VWA8: variants seen among roughly 807,000 people sequenced by gnomAD.
The protein encoded by VWA8 is von Willebrand factor A domain-containing protein 8.
A neutral mutation model predicts 241.5 loss-of-function variants in VWA8; 221 were observed. The ratio of observed to expected loss-of-function variants is 0.91; its 90% CI spans 0.82 to 1.02. The LOEUF is 1.02. VWA8 is among the 50% of genes least tolerant of loss of function. The probability of loss-of-function intolerance (pLI) is 0.00; values close to 1 mark genes in which losing one functional copy is unlikely to be tolerated. For synonymous variants in VWA8, 852 were observed against 827.1 expected, an observed-to-expected ratio of 1.03 and a Z score of -0.52; for missense variants, 2,322 against 2,328.7, an observed-to-expected ratio of 1.00 and a Z score of 0.06.
intron 43 of VWA8, among the ~76,000 whole-genome samples, chr13:41,574,617 C>A (rs2044339516): frequency 6.6e-6 from 1 of 152,088 alleles, no homozygotes; most frequent in Admixed American, 6.5e-5. Context: ...ATAGCCAAAG[C>A]AATACTAAGC....
At chr13:41,890,621 C>T (rs1874789505) in intron 5 of VWA8, among the ~76,000 whole-genome samples, 1 of 152,202 alleles carries the variant, frequency 6.6e-6, no homozygotes, top group Non-Finnish European at 1.5e-5. Flanking sequence ...TTTTTAAGCA[C>T]CTACCATGTG....
At chr13:41,695,742 A>G (rs949448912) in intron 29 of VWA8, among the ~76,000 whole-genome samples, 16 of 152,190 alleles carry the variant, frequency 1.1e-4, no homozygotes, top group African/African-American at 3.6e-4. Flanking sequence ...AGGGGTAAGT[A>G]AGGCAGTATA....
rs779074342 is a variant in VWA8 at position 41,883,404 on chromosome 13, C to T, written c.1063G>A (p.Val355Met). Residue 355 changes from valine to methionine, a missense_variant, in exon 9 of 45, where the codon GTG becomes ATG. Coordinates refer to ENST00000379310, the MANE Select transcript of VWA8 (RefSeq NM_015058.2). ...ACACTCACCTTTAAAACACCTTCCA[C>T]AGCCATCTTCCCTTCATGACCTAGT... The part of the protein sequence containing the change: ...ILLGHEGKMA[V>M]EGVLKRFELQ... 2 of 1,612,496 alleles carry T rather than the reference C, an allele frequency of 1.2e-6. No individual in the cohort carries two copies. Among genetic ancestry groups the T allele is most frequent in the Non-Finnish European group, 1.7e-6 (2 of 1,178,698 alleles).
At chr13:41,599,177 G>C (rs548492155) in intron 40 of VWA8, among the ~76,000 whole-genome samples, 22 of 151,914 alleles carry the variant, frequency 1.4e-4, no homozygotes, top group Non-Finnish European at 2.8e-4. Context: ...ATTTCCTCTG[G>C]AATAACTTCA....
intron 20 of VWA8, among the ~76,000 whole-genome samples, chr13:41,774,997 G>A (rs1223437866): frequency 6.6e-6 from 1 of 152,204 alleles, no homozygotes; most frequent in African/African-American, 2.4e-5. Flanking sequence ...AGAGAAAGAA[G>A]AGAGCATGCT....
intron 12 of VWA8, chr13:41,864,698 T>C (rs117455837): frequency 0.021 from 8,379 of 396,714 alleles, 144 homozygotes; most frequent in Non-Finnish European, 0.029. Flanking sequence ...AGCTACTGTT[T>C]AATGAGTACA....
intron 37 of VWA8, among the ~76,000 whole-genome samples, chr13:41,657,648 C>T (rs1333125969): frequency 6.6e-6 from 1 of 152,002 alleles, no homozygotes; most frequent in Non-Finnish European, 1.5e-5. Context: ...CGCCACCGCG[C>T]CCGGCTAATT....
chr13:41,915,537 G>C (rs1355487392), intron 2 of VWA8, among the ~76,000 whole-genome samples: 1 of 152,224 alleles, frequency 6.6e-6, no homozygotes, highest in African/African-American at 2.4e-5. Flanking sequence ...CACCATAGTT[G>C]AGAAATATTG....
intron 12 of VWA8, among the ~76,000 whole-genome samples, chr13:41,848,489 TG>T (rs1872385423): frequency 6.6e-6 from 1 of 152,152 alleles, no homozygotes; most frequent in African/African-American, 2.4e-5. Flanking sequence ...GACTGGATCA[TG>T]GGGGTGGTTT....
chr13:41,727,375 A>T (rs1421245960), intron 23 of VWA8, 62 bp from the exon 24 acceptor site: 5 of 1,134,834 alleles, frequency 4.4e-6, no homozygotes, highest in Non-Finnish European at 6.1e-6. Flanking sequence ...ATATCAAGCA[A>T]CAATCTTTTA....
At chr13:41,829,165 A>G (rs1357165295) in intron 14 of VWA8, among the ~76,000 whole-genome samples, 3 of 152,238 alleles carry the variant, frequency 2.0e-5, no homozygotes, top group Non-Finnish European at 4.4e-5. Context: ...TTTAAAAGTA[A>G]GGCTGAAAAG....
chr13:41,836,920 T>C (rs1463239891), intron 12 of VWA8, among the ~76,000 whole-genome samples: 2 of 152,166 alleles, frequency 1.3e-5, no homozygotes, highest in African/African-American at 4.8e-5. Flanking sequence ...ACATGGGAAA[T>C]ACTTGATATT....
Position 41,761,153 on chromosome 13 carries a change from G to A in VWA8, c.2401C>T (p.Pro801Ser), listed in dbSNP as rs371560257. The change falls in exon 21 of 45, where the codon CCC (proline) becomes TCC (serine). Residue 801 changes from proline to serine, a missense_variant. Coordinates refer to ENST00000379310, the MANE Select transcript of VWA8 (RefSeq NM_015058.2). ...VDRFLHLLNR[P>S]REYIQLHRDT... The stretch of plus-strand genomic sequence containing the variant: ...CTGTGTAGCTGAATATATTCTCGGG[G>A]TCTGTTGAGCAGGTGAAGGAATCTG... 8.1e-6 allele frequency: 13 copies of A among 1,611,644 alleles called. No individual in the cohort carries two copies. The highest frequency in any genetic ancestry group is 4.0e-5 in the African/African-American group (3 of 74,752).
chr13:41,678,370 A>G (rs897202611), intron 35 of VWA8, among the ~76,000 whole-genome samples: 1 of 152,246 alleles, frequency 6.6e-6, no homozygotes, highest in Admixed American at 6.5e-5. Flanking sequence ...CACAGTCTGC[A>G]TTGGAAATTC....
intron 43 of VWA8, 51 bp downstream of exon 43, chr13:41,575,689 A>T (rs2044346380): frequency 7.2e-7 from 1 of 1,379,586 alleles, no homozygotes; most frequent in Non-Finnish European, 1.0e-6. Flanking sequence ...TTTAGTCTTT[A>T]CCTAACCTGA....
chr13:41,848,228 T>C (rs903388527), intron 12 of VWA8, among the ~76,000 whole-genome samples: 4 of 152,140 alleles, frequency 2.6e-5, no homozygotes, highest in Admixed American at 2.6e-4. Context: ...GAAGACACTG[T>C]GCAGCAGGAA....
chr13:41,886,881 T>G, intron 6 of VWA8, 51 bp from the exon 7 acceptor site: 1 of 1,394,150 alleles, frequency 7.2e-7, no homozygotes. Context: ...ATGTAACAGA[T>G]TAAATGCAAA....
At chr13:41,813,026 T>A (rs573960356) in intron 16 of VWA8, among the ~76,000 whole-genome samples, 1 of 152,046 alleles carries the variant, frequency 6.6e-6, no homozygotes, top group Non-Finnish European at 1.5e-5. Context: ...GAACCACAAG[T>A]AGAACATGAG....
intron 21 of VWA8, among the ~76,000 whole-genome samples, chr13:41,741,747 A>C (rs1180264733): frequency 6.6e-6 from 1 of 152,230 alleles, no homozygotes; most frequent in African/African-American, 2.4e-5. Flanking sequence ...GCAGATTATT[A>C]GGCATGAAGG....
Sources: gnomAD v4.1 joint callset for allele counts (sites outside exome capture counted in the v4.1 genomes callset) on GRCh38, gnomAD v4.1.1 for gene constraint, MANE v1.5 for transcripts, NCBI Gene and HGNC (gene_info 2026-07-23, HGNC 2026-07-21) for gene names.